Variants in BTD observed in about 807,000 individuals in gnomAD.
BTD encodes biotinidase.
BTD carries 13 observed loss-of-function variants against 17.7 expected under a neutral mutation model. The ratio of observed to expected loss-of-function variants is 0.74; its 90% confidence interval spans 0.48 to 1.17. The LOEUF is 1.17. Ranked by LOEUF, BTD falls within the 50% of genes most tolerant of loss-of-function variation. The pLI is 0.00. For synonymous variants in BTD, 240 were observed against 245.2 expected, an observed-to-expected ratio of 0.98 and a Z score of 0.20; for missense variants, 674 against 650.4, an observed-to-expected ratio of 1.04 and a Z score of -0.39.
intron 1 of BTD, among the ~76,000 whole-genome samples, chr3:15,619,668 T>C (rs527518428): frequency 6.6e-6 from 1 of 152,348 alleles, no homozygotes; most frequent in South Asian, 2.1e-4. Context: ...GCATCTATAT[T>C]TATGAGAGAT....
At chr3:15,710,989 T>G (rs1346257074) in exon 4 of BTD, among the ~76,000 whole-genome samples, 7 of 152,240 alleles carry the variant, frequency 4.6e-5, no homozygotes, top group Non-Finnish European at 8.8e-5. Flanking sequence ...TATTTCCTTT[T>G]GTAGGTTTAT....
exon 4 of BTD, among the ~76,000 whole-genome samples, chr3:15,711,981 C>A (rs2072350717): frequency 6.6e-6 from 1 of 152,064 alleles, no homozygotes; most frequent in South Asian, 2.1e-4. Flanking sequence ...CAGGCATGAG[C>A]CACCACGCCA....
intron 2 of BTD, among the ~76,000 whole-genome samples, chr3:15,637,308 G>T (rs545876994): frequency 6.6e-6 from 1 of 151,980 alleles, no homozygotes; most frequent in Non-Finnish European, 1.5e-5. Flanking sequence ...CTCACCTGTC[G>T]CATTCTAGAT....
At chr3:15,632,536 G>A (rs1169315950) in intron 1 of BTD, 1 of 152,258 alleles carries the variant, frequency 6.6e-6, no homozygotes, top group African/African-American at 2.4e-5. Flanking sequence ...TTCAATGAAA[G>A]CAAGTACATT....
In BTD at chr3:15,641,648, T is replaced by C. The variant is rs182007438; in HGVS notation, c.250-260T>C. On this transcript the variant is annotated intron_variant, in intron 2 of 3. Transcript: ENST00000643237. Reference sequence around the variant, plus strand: ...TCAATGGAGCTTACACATTCCCTCCTTCCCTCACATGACCCCAGGCACAGT... The same window carrying C: ...TCAATGGAGCTTACACATTCCCTCCCTCCCTCACATGACCCCAGGCACAGT... 2.6e-5 allele frequency among the ~76,000 whole-genome samples: 4 copies of C among 152,288 alleles called. No homozygotes were observed. In the East Asian group the frequency reaches 7.7e-4, roughly 29 times the overall value.
intron 3 of BTD, chr3:15,685,260 A>C (rs1438852337): frequency 6.2e-7 from 1 of 1,614,020 alleles, no homozygotes; most frequent in South Asian, 1.1e-5. Flanking sequence ...CCGTATATCC[A>C]TGATTGTCTG....
At chr3:15,673,751 A>G (rs1007983862) in intron 3 of BTD, among the ~76,000 whole-genome samples, 3 of 152,218 alleles carry the variant, frequency 2.0e-5, no homozygotes, top group Non-Finnish European at 4.4e-5. Flanking sequence ...CAGAGTAAAC[A>G]GCCAGAATGA....
intron 2 of BTD, among the ~76,000 whole-genome samples, chr3:15,636,506 C>T (rs114461561): frequency 0.014 from 2,158 of 152,260 alleles, 18 homozygotes; most frequent in Middle Eastern, 0.068. Context: ...AACACAAACC[C>T]GAAGGGAAGT....
At chr3:15,641,415 A>T (rs2065503090) in intron 2 of BTD, among the ~76,000 whole-genome samples, 1 of 152,200 alleles carries the variant, frequency 6.6e-6, no homozygotes, top group African/African-American at 2.4e-5. Flanking sequence ...CAGACTTTGT[A>T]GGGGTGGTCC....
At chr3:15,663,942 C>T (rs942817466) in intron 3 of BTD, among the ~76,000 whole-genome samples, 1 of 152,130 alleles carries the variant, frequency 6.6e-6, no homozygotes, top group African/African-American at 2.4e-5. Flanking sequence ...ACTCTTGTTG[C>T]CCAGGCTGGA....
chr3:15,710,838 A>G (rs971710188), exon 4 of BTD, among the ~76,000 whole-genome samples: 6 of 150,774 alleles, frequency 4.0e-5, no homozygotes, highest in African/African-American at 1.5e-4. Flanking sequence ...TTCCTGGGGG[A>G]AAAAAAAATT....
chr3:15,628,082 G>A (rs1182069834), intron 1 of BTD, among the ~76,000 whole-genome samples: 2 of 152,188 alleles, frequency 1.3e-5, no homozygotes, highest in African/African-American at 2.4e-5. Flanking sequence ...CCACCACATT[G>A]TTCTCCACTC....
chr3:15,602,131 T>C, intron 1 of BTD: 1 of 1,425,832 alleles, frequency 7.0e-7, no homozygotes, highest in African/African-American at 1.4e-5. Flanking sequence ...CCTTGTGGTT[T>C]TATAGTCCTT....
upstream of BTD, chr3:15,601,397 C>G (rs1378179046): frequency 4.3e-6 from 7 of 1,614,010 alleles, no homozygotes; most frequent in Non-Finnish European, 5.9e-6. Context: ...GTTTTCAGGG[C>G]CTGAGCGATG....
At chr3:15,672,631 G>GCCTGCTGCTGTT in intron 3 of BTD, among the ~76,000 whole-genome samples, 1 of 152,300 alleles carries the variant, frequency 6.6e-6, no homozygotes, top group East Asian at 1.9e-4. Context: ...TTCTAAAGGT[G>GCCTGCTGCTGTT]CCTGCTGCTG....
At chr3:15,677,798 G>A (rs970840795) in intron 3 of BTD, among the ~76,000 whole-genome samples, 1 of 152,102 alleles carries the variant, frequency 6.6e-6, no homozygotes, top group Non-Finnish European at 1.5e-5. Context: ...TTTTGTGACT[G>A]TGCACTAAAT....
At chr3:15,681,082 C>T (rs928624964) in intron 3 of BTD, among the ~76,000 whole-genome samples, 10 of 152,138 alleles carry the variant, frequency 6.6e-5, no homozygotes, top group African/African-American at 2.4e-4. Context: ...GTCCAGGACT[C>T]CCCACTGACA....
Position 15,652,324 on chromosome 3 carries a change from T to TGTTG in BTD, c.*6836_*6837insGTTG. 6.6e-6 allele frequency among the ~76,000 whole-genome samples: 1 copy of TGTTG among 151,484 alleles called. No individual in the cohort carries two copies. The highest frequency in any genetic ancestry group is 1.5e-5 in the Non-Finnish European group (1 of 67,822). On this transcript the variant is annotated 3_prime_UTR_variant, in exon 4 of 4. Coordinates refer to ENST00000643237, the MANE Select transcript of BTD (RefSeq NM_001370658.1). ...CTGGGCAACAGAGCGACACTCCGTC[T>TGTTG]CCAAAAAAAAAAGATACTGCAGCTT...
intron 4 of BTD, chr3:15,720,909 C>G: frequency 6.2e-7 from 1 of 1,611,184 alleles, no homozygotes; most frequent in East Asian, 2.2e-5. Flanking sequence ...TGATTTTGTT[C>G]CTTACCTTCA....
Sources: allele counts gnomAD v4.1 joint callset (sites outside exome capture counted in the v4.1 genomes callset), GRCh38; gene constraint gnomAD v4.1.1; transcripts MANE v1.5; gene names NCBI Gene and HGNC (gene_info 2026-07-23, HGNC 2026-07-21).